Variants in AFTPH observed in about 807,000 individuals in gnomAD.
The protein encoded by AFTPH is aftiphilin.
AFTPH carries 7 observed loss-of-function variants against 72.5 expected under a neutral mutation model. The observed-to-expected ratio is 0.10, with a 90% CI of 0.05 to 0.18. The LOEUF (loss-of-function observed/expected upper bound fraction) is 0.18, where lower values mean the gene tolerates loss of function less well. AFTPH is among the 10% of genes least tolerant of loss of function. The probability of loss-of-function intolerance (pLI) is 1.00; values close to 1 mark genes in which losing one functional copy is unlikely to be tolerated. For synonymous variants in AFTPH, 337 were observed against 370.1 expected (o/e 0.91, Z 1.03); for missense variants, 979 against 1,060.5 (o/e 0.92, Z 1.07).
intron 5 of AFTPH, among the ~76,000 whole-genome samples, chr2:64,571,505 G>A (rs1409753130): frequency 6.6e-6 from 1 of 152,198 alleles, no homozygotes; most frequent in Non-Finnish European, 1.5e-5. Flanking sequence ...GTTAGACCAT[G>A]AACTTATTTC....
At chr2:64,540,656 A>T (rs12464425) in intron 1 of AFTPH, among the ~76,000 whole-genome samples, 7,926 of 152,118 alleles carry the variant, frequency 0.052, 276 homozygotes, top group Non-Finnish European at 0.073. Flanking sequence ...TTATATATAT[A>T]TTTTTACTTT....
At chr2:64,578,441 A>ATCCCC (rs1672958273) in intron 6 of AFTPH, among the ~76,000 whole-genome samples, 1 of 152,236 alleles carries the variant, frequency 6.6e-6, no homozygotes. Flanking sequence ...AATATTCTTA[A>ATCCCC]AATGAAGTGT....
At chr2:64,589,472 CATGAT>C (rs1378793388) in intron 8 of AFTPH, among the ~76,000 whole-genome samples, 2 of 152,128 alleles carry the variant, frequency 1.3e-5, no homozygotes, top group Admixed American at 6.6e-5. Flanking sequence ...GAGAAATGAT[CATGAT>C]ATAACTTTTT....
At position 64,555,789 on chromosome 2, in the gene AFTPH, A is replaced by C. The variant is rs547979112; in HGVS notation, c.1935+2380A>C. ...TAAGTGACTGAGTCAGAAGTGGAGA[A>C]AGATTGAACAAAGACTCTCGTTCTT... is the stretch of plus-strand genomic sequence containing the variant. On this transcript the variant is annotated intron_variant, in intron 2 of 8. Transcript: ENST00000238856. 2.0e-5 allele frequency among the ~76,000 whole-genome samples: 3 copies of C among 152,308 alleles called. No homozygotes were observed. In the East Asian group the frequency reaches 5.8e-4, roughly 29 times the overall value.
In AFTPH at chr2:64,545,856, TACACAA is replaced by T. The variant is rs376808810; in HGVS notation, c.-32-5578_-32-5573del. Among the ~76,000 whole-genome samples, 361 of 152,084 alleles carry T rather than the reference TACACAA, an allele frequency of 2.4e-3. 1 individual carries two copies. The highest frequency in any genetic ancestry group is 8.1e-3 in the African/African-American group (335 of 41,492). ...TAGAGGATAAAATTGAGCAGAACTA[TACACAA>T]ACACAAACGCAAGTTTTTTTTTGTT... On this transcript the variant is annotated intron_variant, in intron 1 of 8. Transcript: ENST00000238856.
At chr2:64,564,547 A>G (rs1397049268) in intron 2 of AFTPH, among the ~76,000 whole-genome samples, 1 of 151,912 alleles carries the variant, frequency 6.6e-6, no homozygotes, top group Non-Finnish European at 1.5e-5. Context: ...CTGAGAGGCC[A>G]AGGTTGCAGT....
In AFTPH at chr2:64,524,583, T is replaced by C. The variant is rs1303820657; in HGVS notation, c.-62T>C. ...AGTTCCTCCCCGGGCCCCTGAGCCA[T>C]GCCCATCGCAGCCGCCCCGAAGGAG... is the stretch of plus-strand genomic sequence containing the variant. On this transcript the variant is annotated 5_prime_UTR_variant, in exon 1 of 9. An upstream start codon of the reference 5' UTR is lost. Transcript: ENST00000238856. 1 of 398,136 alleles carries C rather than the reference T, an allele frequency of 2.5e-6. No homozygotes were observed. Among genetic ancestry groups the C allele is most frequent in the Non-Finnish European group, 4.4e-6 (1 of 225,648 alleles). 24.7% of individuals were successfully genotyped at this position (398,136 alleles called of 1,614,324 possible). A position where few individuals can be genotyped will look rare whatever the true frequency, so the allele number is the denominator to read the frequency against.
chr2:64,556,714 G>A (rs746535432), intron 2 of AFTPH, among the ~76,000 whole-genome samples: 7 of 152,126 alleles, frequency 4.6e-5, no homozygotes, highest in African/African-American at 1.7e-4. Context: ...CTTAGGTAGC[G>A]AAAAGTCAAG....
chr2:64,574,253 A>G (rs1672636236), intron 6 of AFTPH, among the ~76,000 whole-genome samples: 1 of 152,234 alleles, frequency 6.6e-6, no homozygotes, highest in Admixed American at 6.5e-5. Flanking sequence ...TAACACAAAA[A>G]GTGTATGCTT....
Position 64,585,491 on chromosome 2 carries a change from CT to C in AFTPH, c.2526del (p.Asp843MetfsTer10). On this transcript the variant is annotated frameshift_variant, in exon 8 of 9. Transcript: ENST00000238856. LOFTEE classifies it high-confidence loss of function. ...ATCTCCACCTCAAGCCTCAAAGTGA[CT>C]GATGCATTTGCAAGACTCATGTCTA... 6.2e-7 allele frequency: 1 copy of C among 1,613,732 alleles called. No homozygotes were observed. The highest frequency in any genetic ancestry group is 2.2e-5 in the East Asian group (1 of 44,844).
At chr2:64,573,045 A>G in exon 6 of AFTPH, 2 of 1,614,114 alleles carry the variant, frequency 1.2e-6, no homozygotes, top group Non-Finnish European at 8.5e-7. Flanking sequence ...AGATATGAAC[A>G]CATGTACATC....
chr2:64,562,572 A>C (rs1671806800), intron 2 of AFTPH, among the ~76,000 whole-genome samples: 1 of 152,174 alleles, frequency 6.6e-6, no homozygotes, highest in Non-Finnish European at 1.5e-5. Flanking sequence ...ATGTGACCAC[A>C]GGGAAGTTAA....
intron 8 of AFTPH, among the ~76,000 whole-genome samples, chr2:64,587,097 G>A (rs1673562885): frequency 6.6e-6 from 1 of 152,162 alleles, no homozygotes; most frequent in African/African-American, 2.4e-5. Context: ...ACCTTAACTT[G>A]TTCTCCTAAT....
At chr2:64,538,644 T>C (rs536669745) in intron 1 of AFTPH, among the ~76,000 whole-genome samples, 239 of 152,326 alleles carry the variant, frequency 1.6e-3, no homozygotes, top group African/African-American at 5.6e-3. Context: ...CAGGTCATCT[T>C]TTTCTCTTAA....
intron 7 of AFTPH, 42 bp downstream of exon 8, chr2:64,581,315 A>G: frequency 6.6e-7 from 1 of 1,503,766 alleles, no homozygotes. Context: ...TTATTTACTA[A>G]AAGCATGACC....
At chr2:64,553,329 A>G in exon 2 of AFTPH, 1 of 1,613,964 alleles carries the variant, frequency 6.2e-7, no homozygotes, top group Non-Finnish European at 8.5e-7. Flanking sequence ...AGGAACCCCC[A>G]AAACGCACAG....
At chr2:64,541,254 C>T (rs77087289) in intron 1 of AFTPH, among the ~76,000 whole-genome samples, 2,267 of 152,100 alleles carry the variant, frequency 0.015, 31 homozygotes, top group Admixed American at 0.028. Flanking sequence ...AGTGAAAACA[C>T]GTGGAAGATA....
intron 5 of AFTPH, 75 bp downstream of exon 5, chr2:64,569,754 C>G: frequency 7.6e-7 from 1 of 1,313,138 alleles, no homozygotes; most frequent in Non-Finnish European, 1.1e-6. Context: ...AAATACACTT[C>G]TATGTCATGC....
intron 6 of AFTPH, among the ~76,000 whole-genome samples, chr2:64,578,091 A>C (rs1367205847): frequency 6.6e-6 from 1 of 152,172 alleles, no homozygotes; most frequent in African/African-American, 2.4e-5. Flanking sequence ...ACCTTGCTCC[A>C]GGCTGGACCT....
Sources: allele counts gnomAD v4.1 joint callset (sites outside exome capture counted in the v4.1 genomes callset), GRCh38; gene constraint gnomAD v4.1.1; transcripts MANE v1.5; gene names NCBI Gene and HGNC (gene_info 2026-07-23, HGNC 2026-07-21).